Variants in APPL2 observed in about 807,000 individuals in gnomAD.
APPL2 encodes DCC-interacting protein 13-beta.
APPL2 carries 84 observed loss-of-function variants against 92.7 expected under a neutral mutation model. The ratio of observed to expected loss-of-function variants is 0.91; its 90% confidence interval spans 0.76 to 1.09. APPL2 has a LOEUF of 1.09. Ranked by LOEUF, APPL2 falls within the 50% of genes least tolerant of loss-of-function variation. The pLI is 0.00. For synonymous variants in APPL2, 291 were observed against 291.0 expected (o/e 1.00, Z 0.00); for missense variants, 736 against 824.5 (o/e 0.89, Z 1.31).
intron 1 of APPL2, 128 bp from the exon 2 acceptor site, chr12:105,229,351 C>G (rs1156749900): frequency 1.1e-6 from 1 of 947,084 alleles, no homozygotes; most frequent in Non-Finnish European, 1.5e-6. Flanking sequence ...TGTTGGTTCC[C>G]TGGCTTCTTT....
At chr12:105,225,736 T>C (rs1480946637) in intron 2 of APPL2, among the ~76,000 whole-genome samples, 4 of 152,218 alleles carry the variant, frequency 2.6e-5, no homozygotes, top group Admixed American at 2.6e-4. Flanking sequence ...TTAGAGCCTA[T>C]AGTTTCATTC....
At chr12:105,228,236 G>A (rs1376521077) in intron 2 of APPL2, among the ~76,000 whole-genome samples, 2 of 152,186 alleles carry the variant, frequency 1.3e-5, no homozygotes, top group Admixed American at 1.3e-4. Flanking sequence ...GAAGGATTTA[G>A]GATTTTTTCA....
At chr12:105,177,893 C>T (rs1374565250) in intron 17 of APPL2, among the ~76,000 whole-genome samples, 2 of 152,112 alleles carry the variant, frequency 1.3e-5, no homozygotes, top group South Asian at 2.1e-4. Context: ...CGGGTTCAAG[C>T]GATTCTCCTG....
chr12:105,190,089 A>T lies in APPL2; in HGVS notation c.1308T>A (p.Ser436Arg), dbSNP rs371012317. ...CGATCAGCTCCTCTGCTTCAGGTAG[A>T]CTGGCTGTTGCTTTGGGAACAATCT... ...NDKIVPKATA[S>R]LPEAEELIAP... The change falls in exon 15 of 21, where the codon AGT (serine) becomes AGA (arginine). Residue 436 changes from serine (S) to arginine (R), a missense_variant. Coordinates refer to ENST00000258530, the MANE Select transcript of APPL2 (RefSeq NM_018171.5). 24 of 1,614,186 alleles carry T rather than the reference A, an allele frequency of 1.5e-5. No individual in the cohort carries two copies. The highest frequency in any genetic ancestry group is 2.0e-5 in the Non-Finnish European group (24 of 1,180,024).
intron 2 of APPL2, among the ~76,000 whole-genome samples, chr12:105,225,975 T>C (rs1890470166): frequency 1.3e-5 from 2 of 152,232 alleles, no homozygotes; most frequent in African/African-American, 2.4e-5. Context: ...TTTGAAAATA[T>C]GATAATGAAA....
chr12:105,181,091 T>A (rs1191804995), intron 17 of APPL2, among the ~76,000 whole-genome samples: 1 of 152,248 alleles, frequency 6.6e-6, no homozygotes, highest in Non-Finnish European at 1.5e-5. Context: ...TGATACTGGC[T>A]GTGAGTTTGT....
intron 17 of APPL2, among the ~76,000 whole-genome samples, chr12:105,186,469 C>T (rs755170234): frequency 6.6e-6 from 1 of 151,918 alleles, no homozygotes; most frequent in Non-Finnish European, 1.5e-5. Flanking sequence ...TGTTTGAACA[C>T]CTGTATTTAA....
intron 7 of APPL2, 82 bp from the exon 8 acceptor site, chr12:105,207,289 T>A (rs1888808113): frequency 7.3e-7 from 1 of 1,360,916 alleles, no homozygotes; most frequent in Admixed American, 2.4e-5. Flanking sequence ...AAAATGTGTG[T>A]TTATGCATTA....
At chr12:105,213,432 A>G (rs1478239889) in intron 4 of APPL2, among the ~76,000 whole-genome samples, 1 of 152,236 alleles carries the variant, frequency 6.6e-6, no homozygotes, top group Non-Finnish European at 1.5e-5. Flanking sequence ...AAGGCATGTG[A>G]GGACAAGACA....
intron 9 of APPL2, among the ~76,000 whole-genome samples, chr12:105,200,024 C>T (rs1411427296): frequency 3.3e-5 from 5 of 150,464 alleles, no homozygotes; most frequent in East Asian, 3.9e-4. Context: ...TTAGTAGAGA[C>T]GGGGTTTCAC....
At chr12:105,199,961 G>A (rs1231419692) in intron 9 of APPL2, among the ~76,000 whole-genome samples, 1 of 151,720 alleles carries the variant, frequency 6.6e-6, no homozygotes, top group African/African-American at 2.4e-5. Context: ...TGGGACTACC[G>A]GCGCTCGCCA....
chr12:105,192,971 C>CA (rs1448009812), intron 14 of APPL2, among the ~76,000 whole-genome samples: 3 of 152,200 alleles, frequency 2.0e-5, no homozygotes, highest in Non-Finnish European at 4.4e-5. Flanking sequence ...TTTCCCCCCC[C>CA]ACTGTCATCA....
rs78273519 is a variant in APPL2, at chr12:105,186,946, A to T, written c.1634+1327T>A. 3.3e-3 allele frequency among the ~76,000 whole-genome samples: 507 copies of T among 151,764 alleles called. 21 individuals are homozygous for T. In the East Asian group the frequency reaches 0.073, roughly 22 times the overall value. The stretch of plus-strand genomic sequence containing the variant: ...TTTTAATTGGGTTGTCTTTCTGTTG[A>T]GTTTTATAAGAGTTCTTTGTATATT... On this transcript the variant is annotated intron_variant, in intron 17 of 20. Transcript: ENST00000258530.
intron 4 of APPL2, among the ~76,000 whole-genome samples, 153 bp from the exon 5 acceptor site, chr12:105,211,470 A>G (rs1304232701): frequency 6.6e-6 from 1 of 152,238 alleles, no homozygotes; most frequent in Non-Finnish European, 1.5e-5. Flanking sequence ...TAAAGCAGTA[A>G]ATGATATTGG....
At chr12:105,183,571 G>A (rs1231532578) in intron 17 of APPL2, among the ~76,000 whole-genome samples, 1 of 152,188 alleles carries the variant, frequency 6.6e-6, no homozygotes, top group East Asian at 1.9e-4. Context: ...CCTTAAGAAT[G>A]TTAAATGTGT....
At chr12:105,213,670 C>T (rs1249763048) in intron 4 of APPL2, among the ~76,000 whole-genome samples, 1 of 152,204 alleles carries the variant, frequency 6.6e-6, no homozygotes, top group African/African-American at 2.4e-5. Flanking sequence ...TAAATTTCTA[C>T]TTTTTGTTGA....
intron 17 of APPL2, among the ~76,000 whole-genome samples, chr12:105,186,727 CAT>C (rs1250137163): frequency 1.2e-4 from 16 of 130,260 alleles, no homozygotes; most frequent in African/African-American, 3.3e-4. Context: ...ATATATATAT[CAT>C]ATATATCATA....
intron 4 of APPL2, among the ~76,000 whole-genome samples, chr12:105,216,622 A>G (rs1031044896): frequency 3.3e-5 from 5 of 152,236 alleles, no homozygotes; most frequent in African/African-American, 1.2e-4. Flanking sequence ...GCCACAGCCA[A>G]GGAACACCTG....
intron 11 of APPL2, 125 bp from the exon 12 acceptor site, chr12:105,195,752 G>T: frequency 9.2e-7 from 1 of 1,084,214 alleles, no homozygotes; most frequent in Admixed American, 1.8e-5. Context: ...ATGATGAGAG[G>T]GAAAGAAAAT....
Sources: gnomAD v4.1 joint callset for allele counts (sites outside exome capture counted in the v4.1 genomes callset) on GRCh38, gnomAD v4.1.1 for gene constraint, MANE v1.5 for transcripts, NCBI Gene and HGNC (gene_info 2026-07-23, HGNC 2026-07-21) for gene names.